The following ITPKB variants were observed in gnomAD, a reference collection of about 807,000 sequenced individuals.
The protein encoded by ITPKB is IP3 3-kinase B.
ITPKB carries 13 observed loss-of-function variants against 69.4 expected under a neutral mutation model. The observed-to-expected ratio is 0.19, with a 90% confidence interval of 0.12 to 0.30. The LOEUF (loss-of-function observed/expected upper bound fraction) is 0.30, where lower values mean the gene tolerates loss of function less well. Ranked by LOEUF, ITPKB falls within the 10% of genes least tolerant of loss-of-function variation. The probability of loss-of-function intolerance (pLI) is 1.00; values close to 1 mark genes in which losing one functional copy is unlikely to be tolerated. For missense variants in ITPKB, 1,240 were observed against 1,250.5 expected, an observed-to-expected ratio of 0.99 and a Z score of 0.13; for synonymous variants, 584 against 513.7, an observed-to-expected ratio of 1.14 and a Z score of -1.85.
chr1:226,687,687 GTGCCCTCC>G lies in ITPKB; in HGVS notation c.1933-38924_1933-38917del, dbSNP rs1462393976. ...TAGGGAGCACTTACCTAGAGACACAGTGCCCTCCTGCCCTCCTGTGGCCTTGCTTGGCA... is the reference window on the plus strand; with the variant it reads ...TAGGGAGCACTTACCTAGAGACACAGTGCCCTCCTGTGGCCTTGCTTGGCA... On this transcript the variant is annotated intron_variant, in intron 2 of 7. Transcript: ENST00000429204. Among the ~76,000 whole-genome samples the G allele has an allele frequency of 2.0e-5, 3 of 152,200 alleles. No individual in the cohort carries two copies. The East Asian group carries it at 5.8e-4, about 29-fold the overall frequency.
chr1:226,712,785 T>G (rs999581061), intron 2 of ITPKB, among the ~76,000 whole-genome samples: 3 of 152,206 alleles, frequency 2.0e-5, no homozygotes, highest in Non-Finnish European at 2.9e-5. Flanking sequence ...CAATACAGAT[T>G]GCAGGTGTGA....
chr1:226,640,938 A>G (rs1668947961), intron 5 of ITPKB, among the ~76,000 whole-genome samples: 1 of 152,226 alleles, frequency 6.6e-6, no homozygotes, highest in Non-Finnish European at 1.5e-5. Flanking sequence ...GGACCCTCCC[A>G]TCAGGACCAT....
At chr1:226,694,321 G>C (rs773257506) in intron 2 of ITPKB, among the ~76,000 whole-genome samples, 13 of 152,206 alleles carry the variant, frequency 8.5e-5, no homozygotes, top group Admixed American at 2.0e-4. Flanking sequence ...TATACCCCTA[G>C]AGGCTACTGA....
chr1:226,656,661 A>G (rs767451230), intron 2 of ITPKB: 1 of 152,260 alleles, frequency 6.6e-6, no homozygotes, highest in Non-Finnish European at 1.5e-5. Context: ...TCAAGATTTT[A>G]AAAGGCAGCC....
At chr1:226,703,524 C>T (rs1185861368) in intron 2 of ITPKB, among the ~76,000 whole-genome samples, 11 of 152,038 alleles carry the variant, frequency 7.2e-5, no homozygotes, top group Admixed American at 5.2e-4. Context: ...TCTCCTCCCG[C>T]GCGCGCTCTG....
In ITPKB at chr1:226,637,569, G is replaced by T; in HGVS notation, c.2625+110C>A. ...GTCTGGTCCCTGATGGCCTGCCTCT[G>T]GCTGCACCACCCTGAAAATGCCCGA... On this transcript the variant is annotated intron_variant, in intron 7 of 7. Transcript: ENST00000429204. This position sits in a 1 kb window ranked among gnomAD's most constrained non-coding sequence, Gnocchi z 4.3. The T allele has an allele frequency of 1.2e-6, 1 of 838,842 alleles. No individual in the cohort carries two copies. The highest frequency in any genetic ancestry group is 2.0e-6 in the Non-Finnish European group (1 of 502,012). 52.0% of individuals were successfully genotyped at this position (838,842 alleles called of 1,614,324 possible).
At position 226,634,731 on chromosome 1, in the gene ITPKB, C is replaced by T. The variant is rs758191243; in HGVS notation, c.2781G>A (p.Ser927=). The T allele has an allele frequency of 1.5e-5, 17 of 1,124,444 alleles. No individual in the cohort carries two copies. The highest frequency in any genetic ancestry group is 3.4e-5 in the Admixed American group (2 of 59,402). 69.7% of individuals were successfully genotyped at this position (1,124,444 alleles called of 1,614,324 possible). A position where few individuals can be genotyped will look rare whatever the true frequency, so the allele number is the denominator to read the frequency against. Residue 927 remains serine, a synonymous_variant, in exon 8 of 8, where the codon TCG becomes TCA. Coordinates refer to ENST00000429204, the MANE Select transcript of ITPKB (RefSeq NM_002221.4). The surrounding 1 kb of genome is among the most constrained non-coding windows in gnomAD (Gnocchi z 6.3). The part of the protein sequence containing the change: ...QEGNREDGYL[S]GLNNLVDILT... ...GGATGTCGACGAGGTTATTGAGCCC[C>T]GAGAGGTAGCCATCCTCCCGGTTCC...
At chr1:226,661,856 G>C (rs961631114) in intron 2 of ITPKB, among the ~76,000 whole-genome samples, 1 of 152,108 alleles carries the variant, frequency 6.6e-6, no homozygotes, top group African/African-American at 2.4e-5. Context: ...TTAGCAGTAG[G>C]GTCTGACCAC....
rs370629682 is a variant in ITPKB at position 226,736,876 on chromosome 1, C to G, written c.583G>C (p.Ala195Pro). The change falls in exon 2 of 8, where the codon GCC becomes CCC. Residue 195 changes from alanine (A) to proline (P), a missense_variant. This residue lies in a region of ITPKB where 992 missense variants were observed against 853.8 expected (regional missense o/e 1.16). Transcript: ENST00000429204. Reference sequence around the variant, plus strand: ...TTTGTCCTCCGTTCCTCGCTCCGGGCGCCCTGAACCAGGACCCTTCCAGGG... The same window carrying G: ...TTTGTCCTCCGTTCCTCGCTCCGGGGGCCCTGAACCAGGACCCTTCCAGGG... Reference protein sequence around the residue: ...QPPGRVLVQGARSEERRTKSW... With the variant: ...QPPGRVLVQGPRSEERRTKSW... 4 of 1,610,774 alleles carry G rather than the reference C, an allele frequency of 2.5e-6. No homozygotes were observed. In the Admixed American group the frequency reaches 5.0e-5, roughly 20 times the overall value.
At chr1:226,673,210 T>TA (rs1440957300) in intron 2 of ITPKB, among the ~76,000 whole-genome samples, 3 of 151,528 alleles carry the variant, frequency 2.0e-5, no homozygotes, top group Non-Finnish European at 4.4e-5. Flanking sequence ...CTTGTCTCTA[T>TA]AAAAAACACA....
At position 226,735,918 on chromosome 1, in the gene ITPKB, T is replaced by G. The variant is rs779873291; in HGVS notation, c.1541A>C (p.Glu514Ala). 6.2e-7 allele frequency: 1 copy of G among 1,613,754 alleles called. No homozygotes were observed. The highest frequency in any genetic ancestry group is 8.5e-7 in the Non-Finnish European group (1 of 1,179,740). Residue 514 changes from glutamate (E) to alanine (A), a missense_variant, in exon 2 of 8, where the codon GAG (glutamate) becomes GCG (alanine). Transcript: ENST00000429204. The part of the protein sequence containing the change: ...GNSRVWQGTM[E>A]KAGLAWTRGT... ...ACGCGTCCAAGCCAAACCGGCTTTCTCCATGGTGCCCTGCCAAACCCTGGA... is the reference window on the plus strand; with the variant it reads ...ACGCGTCCAAGCCAAACCGGCTTTCGCCATGGTGCCCTGCCAAACCCTGGA...
intron 2 of ITPKB, among the ~76,000 whole-genome samples, chr1:226,705,390 G>A (rs572465315): frequency 2.0e-5 from 3 of 152,248 alleles, no homozygotes; most frequent in Non-Finnish European, 4.4e-5. Context: ...TGAGCCGGGC[G>A]TGGTGACGCG....
At chr1:226,646,204 G>A (rs961556956) in intron 4 of ITPKB, among the ~76,000 whole-genome samples, 2 of 152,206 alleles carry the variant, frequency 1.3e-5, no homozygotes, top group East Asian at 1.9e-4. Context: ...GCATCTGGCC[G>A]TCCAGCCCGG....
chr1:226,649,574 AGTGTGTGCGTGTGCAT>A (rs1669146094), intron 2 of ITPKB, among the ~76,000 whole-genome samples: 1 of 148,118 alleles, frequency 6.8e-6, no homozygotes, highest in Non-Finnish European at 1.5e-5. Flanking sequence ...TGTGTGCATG[AGTGTGTGCGTGTGCAT>A]GTGTGTGCGT....
intron 2 of ITPKB, among the ~76,000 whole-genome samples, chr1:226,697,978 C>T (rs985776648): frequency 1.3e-5 from 2 of 152,230 alleles, no homozygotes; most frequent in African/African-American, 4.8e-5. Flanking sequence ...ATGCACTGCA[C>T]TCTCCAGACA....
intron 2 of ITPKB, among the ~76,000 whole-genome samples, chr1:226,730,095 T>C (rs1006406518): frequency 6.6e-6 from 1 of 152,212 alleles, no homozygotes; most frequent in Admixed American, 6.5e-5. Context: ...TGAAGAGCTG[T>C]CTGGCAGAAC....
chr1:226,683,255 G>A (rs1558084532), intron 2 of ITPKB, among the ~76,000 whole-genome samples: 1 of 152,200 alleles, frequency 6.6e-6, no homozygotes, highest in Non-Finnish European at 1.5e-5. Flanking sequence ...CAGCATAAAG[G>A]AACCCACTGC....
rs1374394451 is a variant in ITPKB, at chr1:226,736,927, A to G, written c.532T>C (p.Cys178Arg). Residue 178 changes from cysteine to arginine, a missense_variant, in exon 2 of 8, where the codon TGC becomes CGC. Transcript: ENST00000429204. ...RLGRARSPSPCPFRSSSQPPG... is the reference protein window; with the variant it reads ...RLGRARSPSPRPFRSSSQPPG... ...GGCTGACTGCTGCTGCGGAAGGGGC[A>G]CGGGGAGGGCGAGCGAGCCCTGCCC... 6.2e-7 allele frequency: 1 copy of G among 1,606,948 alleles called. No individual in the cohort carries two copies. Among genetic ancestry groups the G allele is most frequent in the African/African-American group, 1.3e-5 (1 of 74,726 alleles).
At position 226,648,919 on chromosome 1, in the gene ITPKB, A is replaced by G. The variant is rs1278566297; in HGVS notation, c.1933-148T>C. Reference sequence around the variant, plus strand: ...CTCTGAGGACCTTGCCACCACCATCACCTATGCGGCACATGGTGGGAGGTG... The same window carrying G: ...CTCTGAGGACCTTGCCACCACCATCGCCTATGCGGCACATGGTGGGAGGTG... On this transcript the variant is annotated intron_variant, in intron 2 of 7. Transcript: ENST00000429204. 4 of 651,642 alleles carry G rather than the reference A, an allele frequency of 6.1e-6. No homozygotes were observed. The East Asian group carries it at 1.0e-4, about 17-fold the overall frequency. 40.4% of individuals were successfully genotyped at this position (651,642 alleles called of 1,614,324 possible).
Sources: gnomAD v4.1 joint callset for allele counts (sites outside exome capture counted in the v4.1 genomes callset) on GRCh38, gnomAD v4.1.1 for gene constraint, gnomAD v4.1.1 regional missense constraint, Gnocchi (gnomAD v3.1) non-coding constraint, MANE v1.5 for transcripts, NCBI Gene and HGNC (gene_info 2026-07-23, HGNC 2026-07-21) for gene names.